SHQ1: variants seen among roughly 807,000 people sequenced by gnomAD.
SHQ1 encodes the protein protein SHQ1 homolog.
Under a neutral mutation model 53.8 loss-of-function variants are expected in SHQ1, and 49 were observed. That is an observed-to-expected ratio of 0.91 (90% confidence interval 0.72 to 1.16). SHQ1 has a LOEUF of 1.16. Among genes scored for constraint, SHQ1 ranks in the 50% most tolerant of loss-of-function variants. The pLI is 0.00. For missense variants in SHQ1, 738 were observed against 683.1 expected (o/e 1.08, Z -0.90); for synonymous variants, 243 against 251.0 (o/e 0.97, Z 0.30).
At position 72,812,856 on chromosome 3, in the gene SHQ1, C is replaced by T. The variant is rs955971229; in HGVS notation, c.937-62G>A. On this transcript the variant is annotated intron_variant, in intron 8 of 10. Coordinates refer to ENST00000325599, the MANE Select transcript of SHQ1 (RefSeq NM_018130.3). ...AAAATGTTACACAAACAAAAGTACA[C>T]AATGAAATAGGAAGCTTTTCTCATT... The T allele has an allele frequency of 1.4e-5, 23 of 1,587,668 alleles. No individual in the cohort carries two copies. The African/African-American group carries it at 2.6e-4, about 18-fold the overall frequency.
chr3:72,745,796 T>C (rs1441046177), downstream of SHQ1, among the ~76,000 whole-genome samples: 2 of 151,970 alleles, frequency 1.3e-5, no homozygotes, highest in African/African-American at 2.4e-5. Flanking sequence ...TTTCCATTTC[T>C]GTCTACGGCC....
At chr3:72,817,075 C>CCCA (rs1295185293) in intron 7 of SHQ1, among the ~76,000 whole-genome samples, 155 bp downstream of exon 7, 1 of 152,094 alleles carries the variant, frequency 6.6e-6, no homozygotes, top group African/African-American at 2.4e-5. Context: ...CATGTGGGTA[C>CCCA]CCACCACCAC....
chr3:72,843,031 C>T (rs148339511), intron 2 of SHQ1, among the ~76,000 whole-genome samples: 223 of 151,050 alleles, frequency 1.5e-3, no homozygotes, highest in African/African-American at 5.3e-3. Context: ...GAGCCGAGAT[C>T]GCGCCACTGC....
chr3:72,766,814 G>A (rs1705741204), intron 10 of SHQ1, among the ~76,000 whole-genome samples: 1 of 152,192 alleles, frequency 6.6e-6, no homozygotes, highest in Admixed American at 6.5e-5. Flanking sequence ...CCCAGCTGGA[G>A]GAAACCTGCT....
intron 10 of SHQ1, among the ~76,000 whole-genome samples, chr3:72,767,953 T>C (rs1262490513): frequency 6.6e-6 from 1 of 152,166 alleles, no homozygotes; most frequent in Non-Finnish European, 1.5e-5. Flanking sequence ...TATAAGTGCT[T>C]TGCTCCTTTC....
intron 10 of SHQ1, among the ~76,000 whole-genome samples, chr3:72,751,496 G>GTACATATA (rs1372925082): frequency 0.013 from 1,559 of 117,046 alleles, 91 homozygotes; most frequent in African/African-American, 0.02. Flanking sequence ...GTGTGTGTGT[G>GTACATATA]TGTGTGTGTG....
downstream of SHQ1, among the ~76,000 whole-genome samples, chr3:72,745,658 C>T (rs1427637920): frequency 6.6e-6 from 1 of 152,158 alleles, no homozygotes; most frequent in Middle Eastern, 3.2e-3. Context: ...AAATAGAGCC[C>T]TGTTCAGCTC....
chr3:72,772,766 TAA>T (rs1159870712), intron 10 of SHQ1: 1 of 755,498 alleles, frequency 1.3e-6, no homozygotes, highest in East Asian at 2.5e-5. Flanking sequence ...GGAATCCCTA[TAA>T]AAAGTCCTGA....
At position 72,823,673 on chromosome 3, in the gene SHQ1, G is replaced by C. The variant is rs184221090; in HGVS notation, c.727+751C>G. ...AACAAGGTACAAACCGGGTATACGT[G>C]AGTCTATGTGTAGACATTTCTTAAA... On this transcript the variant is annotated intron_variant, in intron 6 of 10. Coordinates refer to ENST00000325599, the MANE Select transcript of SHQ1 (RefSeq NM_018130.3). Among the ~76,000 whole-genome samples, 3 of 152,276 alleles carry C rather than the reference G, an allele frequency of 2.0e-5. No individual in the cohort carries two copies. The East Asian group carries it at 5.8e-4, about 29-fold the overall frequency.
At chr3:72,817,430 T>C (rs1017073703) in intron 6 of SHQ1, 46 bp from the exon 7 acceptor site, 2 of 1,528,788 alleles carry the variant, frequency 1.3e-6, no homozygotes, top group African/African-American at 2.8e-5. Flanking sequence ...TTCAGTTTTG[T>C]AAAACTCCCA....
At chr3:72,736,784 C>T in the SHQ1 span, among the ~76,000 whole-genome samples, 101 of 73,048 alleles carry the variant, frequency 1.4e-3, no homozygotes, top group African/African-American at 4.7e-3. Flanking sequence ...CAGAGTGAGA[C>T]TCCGTTTCAA....
Position 72,848,315 on chromosome 3 carries a change from C to G in SHQ1, c.26G>C (p.Ser9Thr). The change falls in exon 1 of 11, where the codon AGC (serine) becomes ACC (threonine). Residue 9 changes from serine to threonine, a missense_variant. Physicochemically the swap from Ser to Thr is moderately conservative, Grantham distance 58. Coordinates refer to ENST00000325599, the MANE Select transcript of SHQ1 (RefSeq NM_018130.3). The part of the protein sequence containing the change: MLTPAFDL[S>T]QDPDFLTIAI... ...GATAGTCAGGAAGTCCGGATCCTGG[C>G]TGAGGTCGAACGCCGGGGTCAGCAT... is the stretch of plus-strand genomic sequence containing the variant. 6.2e-7 allele frequency: 1 copy of G among 1,614,150 alleles called. No individual in the cohort carries two copies. The highest frequency in any genetic ancestry group is 1.3e-5 in the African/African-American group (1 of 75,042).
chr3:72,815,877 A>G (rs1337329837), intron 7 of SHQ1, among the ~76,000 whole-genome samples: 1 of 152,204 alleles, frequency 6.6e-6, no homozygotes, highest in Non-Finnish European at 1.5e-5. Flanking sequence ...GAAGGTCTCA[A>G]GTTGTAAGAC....
chr3:72,832,732 GCTAT>G (rs1181767903), intron 4 of SHQ1, among the ~76,000 whole-genome samples: 1 of 152,070 alleles, frequency 6.6e-6, no homozygotes, highest in African/African-American at 2.4e-5. Flanking sequence ...AGATATTAAG[GCTAT>G]AAAAGTTTAA....
At chr3:72,796,120 A>G (rs1430273092) in intron 9 of SHQ1, among the ~76,000 whole-genome samples, 6 of 151,592 alleles carry the variant, frequency 4.0e-5, no homozygotes, top group East Asian at 1.9e-4. Context: ...AAAAAAAAAA[A>G]AAAAGAAAGA....
chr3:72,819,104 T>C (rs944191243), intron 6 of SHQ1, among the ~76,000 whole-genome samples: 3 of 152,220 alleles, frequency 2.0e-5, no homozygotes, highest in Non-Finnish European at 4.4e-5. Context: ...ATCATGAATG[T>C]ACACTGTGTG....
At chr3:72,732,573 C>T in the SHQ1 span, among the ~76,000 whole-genome samples, 1 of 150,914 alleles carries the variant, frequency 6.6e-6, no homozygotes, top group Non-Finnish European at 1.5e-5. Context: ...ACTTTCAGTG[C>T]CCTCTCACTC....
intron 9 of SHQ1, among the ~76,000 whole-genome samples, chr3:72,811,216 T>C (rs1317706551): frequency 6.6e-6 from 1 of 152,140 alleles, no homozygotes; most frequent in Non-Finnish European, 1.5e-5. Context: ...CAAACAGGCA[T>C]GTGGAGGTTT....
intron 10 of SHQ1, among the ~76,000 whole-genome samples, chr3:72,757,409 G>C (rs1485288871): frequency 6.7e-6 from 1 of 149,228 alleles, no homozygotes; most frequent in African/African-American, 2.5e-5. Flanking sequence ...TGAAAGATGG[G>C]GTCTCACTGC....
Sources: gnomAD v4.1 joint callset for allele counts (sites outside exome capture counted in the v4.1 genomes callset) on GRCh38, gnomAD v4.1.1 for gene constraint, MANE v1.5 for transcripts, NCBI Gene and HGNC (gene_info 2026-07-23, HGNC 2026-07-21) for gene names.